OSBPL9: variants seen among roughly 807,000 people sequenced by gnomAD.
The protein encoded by OSBPL9 is oxysterol-binding protein-related protein 9.
OSBPL9 carries 40 observed loss-of-function variants against 106.6 expected under a neutral mutation model. The observed-to-expected ratio is 0.38, with a 90% CI of 0.29 to 0.49. OSBPL9 has a LOEUF of 0.49. OSBPL9 is among the 20% of genes least tolerant of loss of function. The pLI is 0.97. For synonymous variants in OSBPL9, 269 were observed against 295.4 expected, an observed-to-expected ratio of 0.91 and a Z score of 0.92; for missense variants, 609 against 887.2, an observed-to-expected ratio of 0.69 and a Z score of 3.98.
intron 4 of OSBPL9, among the ~76,000 whole-genome samples, chr1:51,733,966 T>G (rs1161411288): frequency 6.6e-6 from 1 of 152,088 alleles, no homozygotes; most frequent in East Asian, 1.9e-4. Context: ...GCTTTAAAGG[T>G]GAAATTTGAG....
chr1:51,580,108 CCTTTT>C (rs1645212442), intron 1 of OSBPL9, among the ~76,000 whole-genome samples: 1 of 152,126 alleles, frequency 6.6e-6, no homozygotes, highest in Admixed American at 6.6e-5. Flanking sequence ...CTGCCTACTG[CCTTTT>C]CTTTCTTTCT....
chr1:51,587,125 G>T (rs2148600406), intron 1 of OSBPL9, among the ~76,000 whole-genome samples: 1 of 152,276 alleles, frequency 6.6e-6, no homozygotes, highest in South Asian at 2.1e-4. Context: ...CAGCACTTTG[G>T]GAGGCCGAGG....
At chr1:51,671,045 G>T (rs1649748165) in intron 3 of OSBPL9, among the ~76,000 whole-genome samples, 1 of 152,046 alleles carries the variant, frequency 6.6e-6, no homozygotes, top group Admixed American at 6.5e-5. Flanking sequence ...TACTTATTTG[G>T]CTTATAAAAC....
At chr1:51,663,523 C>T (rs1000684233) in intron 2 of OSBPL9, among the ~76,000 whole-genome samples, 1 of 152,204 alleles carries the variant, frequency 6.6e-6, no homozygotes, top group East Asian at 1.9e-4. Flanking sequence ...ATTTACTCCA[C>T]CTGATATCCA....
At chr1:51,634,125 T>A (rs975972891) in intron 1 of OSBPL9, among the ~76,000 whole-genome samples, 6 of 152,222 alleles carry the variant, frequency 3.9e-5, no homozygotes, top group Non-Finnish European at 8.8e-5. Context: ...GTTGCACAAA[T>A]TTTTCTATCT....
chr1:51,743,123 T>C (rs1667279013), intron 4 of OSBPL9, among the ~76,000 whole-genome samples: 1 of 152,266 alleles, frequency 6.6e-6, no homozygotes, highest in Admixed American at 6.5e-5. Context: ...GGCAACTATA[T>C]ACATAAATTT....
At chr1:51,772,407 A>C (rs578143064) in intron 13 of OSBPL9, among the ~76,000 whole-genome samples, 198 bp from the exon 14 acceptor site, 82 of 152,278 alleles carry the variant, frequency 5.4e-4, no homozygotes, top group African/African-American at 1.7e-3. Context: ...CCCAGCTGCC[A>C]AGGAGGCTGA....
intron 8 of OSBPL9, among the ~76,000 whole-genome samples, chr1:51,755,145 C>T (rs61258748): frequency 0.057 from 8,649 of 152,098 alleles, 464 homozygotes; most frequent in African/African-American, 0.14. Flanking sequence ...TTAAGCCACC[C>T]AGTCTATGGT....
chr1:51,641,584 A>G (rs190942852), intron 1 of OSBPL9, among the ~76,000 whole-genome samples: 1 of 152,298 alleles, frequency 6.6e-6, no homozygotes, highest in East Asian at 1.9e-4. Flanking sequence ...GAAAATAAAA[A>G]TTGTTTCTGA....
Position 51,789,054 on chromosome 1 carries a change from A to G in OSBPL9, c.*1265A>G, listed in dbSNP as rs1353996535. ...CCCATTCTGCTAATTTTCCTTTGCC[A>G]GCTCCTACAGTAACCCTGGGTTTAT... On this transcript the variant is annotated 3_prime_UTR_variant, in exon 24 of 24. Transcript: ENST00000428468. The G allele has an allele frequency of 1.2e-5, 8 of 651,556 alleles. No homozygotes were observed. The highest frequency in any genetic ancestry group is 2.1e-5 in the Non-Finnish European group (8 of 381,390). The allele number at this position is 651,556 out of a possible 1,614,324, so 40.4% of individuals were successfully genotyped here.
At chr1:51,776,446 T>A (rs1408696288) in intron 14 of OSBPL9, among the ~76,000 whole-genome samples, 2 of 151,434 alleles carry the variant, frequency 1.3e-5, no homozygotes, top group Non-Finnish European at 2.9e-5. Context: ...GCTATTGTAA[T>A]ATAATATGTA....
At position 51,787,393 on chromosome 1, in the gene OSBPL9, A is replaced by G. The variant is rs1182075763; in HGVS notation, c.2041A>G (p.Ile681Val). Reference protein sequence around the residue: ...DVTFNLKIRDIDAATEAKHRL... With the variant: ...DVTFNLKIRDVDAATEAKHRL... The stretch of plus-strand genomic sequence containing the variant: ...CACTTTCAACTTAAAAATCAGAGAC[A>G]TTGATGCAGCAACTGAAGCAAAGCA... Residue 681 changes from isoleucine to valine, a missense_variant, in exon 23 of 24, where the codon ATT (isoleucine) becomes GTT (valine). By Grantham distance (29) the Ile-to-Val change is conservative (BLOSUM62 3). Transcript: ENST00000428468. The G allele has an allele frequency of 6.2e-7, 1 of 1,613,978 alleles. No homozygotes were observed. The highest frequency in any genetic ancestry group is 1.7e-5 in the Admixed American group (1 of 60,008).
intron 3 of OSBPL9, among the ~76,000 whole-genome samples, chr1:51,686,901 C>A (rs891371658): frequency 6.6e-6 from 1 of 152,204 alleles, no homozygotes; most frequent in South Asian, 2.1e-4. Context: ...ATATTTACTC[C>A]TTCTTTGCAG....
At chr1:51,542,324 C>T in the OSBPL9 span, among the ~76,000 whole-genome samples, 1 of 152,134 alleles carries the variant, frequency 6.6e-6, no homozygotes, top group Non-Finnish European at 1.5e-5. Context: ...GCCTAAGGTC[C>T]CACACACACT....
chr1:51,699,614 T>C (rs145726892), intron 3 of OSBPL9, among the ~76,000 whole-genome samples: 271 of 152,328 alleles, frequency 1.8e-3, no homozygotes, highest in African/African-American at 6.0e-3. Flanking sequence ...ATTTCCTTAC[T>C]TTCTGGCACA....
At chr1:51,565,607 T>C in the OSBPL9 span, 3 of 152,236 alleles carry the variant, frequency 2.0e-5, no homozygotes, top group Non-Finnish European at 4.4e-5. Context: ...GTTTGTGAAG[T>C]TGACTTTCAC....
chr1:51,672,630 A>G (rs941503372), intron 3 of OSBPL9, among the ~76,000 whole-genome samples: 1 of 152,170 alleles, frequency 6.6e-6, no homozygotes, highest in African/African-American at 2.4e-5. Flanking sequence ...GCTCAGCATA[A>G]TGTTTTTAAG....
chr1:51,627,557 A>C (rs1421638777), intron 1 of OSBPL9, among the ~76,000 whole-genome samples: 2 of 152,282 alleles, frequency 1.3e-5, no homozygotes, highest in East Asian at 3.9e-4. Context: ...GTAAGTTCTG[A>C]AATTGGGAAA....
chr1:51,619,883 T>C (rs1644321482), intron 1 of OSBPL9, among the ~76,000 whole-genome samples: 1 of 152,216 alleles, frequency 6.6e-6, no homozygotes, highest in Non-Finnish European at 1.5e-5. Flanking sequence ...ATTAGTTGTG[T>C]AGCCTTCCAA....
Sources: allele counts gnomAD v4.1 joint callset (sites outside exome capture counted in the v4.1 genomes callset), GRCh38; gene constraint gnomAD v4.1.1; transcripts MANE v1.5; gene names NCBI Gene and HGNC (gene_info 2026-07-23, HGNC 2026-07-21).